Variants in MCF2 observed in about 807,000 individuals in gnomAD.
MCF2 encodes the protein proto-oncogene DBL.
Under a neutral mutation model 82.5 loss-of-function variants are expected in MCF2, and 44 were observed. The observed-to-expected ratio is 0.53, with a 90% CI of 0.42 to 0.69. The LOEUF (loss-of-function observed/expected upper bound fraction) is 0.69. Ranked by LOEUF, MCF2 falls within the 30% of genes least tolerant of loss-of-function variation. The pLI is 0.00. For missense variants in MCF2, 623 were observed against 663.1 expected (o/e 0.94, Z 0.66); for synonymous variants, 217 against 224.9 (o/e 0.96, Z 0.32).
At chrX:139,641,580 G>A (rs190086886) in intron 1 of MCF2, among the ~76,000 whole-genome samples, 33 of 110,158 alleles carry the variant, frequency 3.0e-4, no homozygotes, top group Non-Finnish European at 5.1e-4. Flanking sequence ...CTTCTTATCT[G>A]TGTGTGTGTG....
chrX:139,605,441 TG>T (rs1344925369), intron 13 of MCF2, among the ~76,000 whole-genome samples: 2 of 111,701 alleles, frequency 1.8e-5, no homozygotes, highest in African/African-American at 6.5e-5. Flanking sequence ...AATAGCACCC[TG>T]GGAATAATTG....
intron 1 of MCF2, among the ~76,000 whole-genome samples, chrX:139,692,687 C>T (rs995050347): frequency 3.6e-5 from 4 of 112,209 alleles, no homozygotes; most frequent in African/African-American, 1.3e-4. Context: ...GCATTCTGGC[C>T]AGTATCCACC....
intron 7 of MCF2, among the ~76,000 whole-genome samples, chrX:139,618,097 G>A (rs1201115249): frequency 9.1e-6 from 1 of 110,248 alleles, no homozygotes; most frequent in Non-Finnish European, 1.9e-5. Flanking sequence ...CTCAGCCTTA[G>A]AAATCTCATC....
chrX:139,601,611 C>T (rs1237100962), intron 16 of MCF2, among the ~76,000 whole-genome samples: 1 of 110,931 alleles, frequency 9.0e-6, no homozygotes, highest in Non-Finnish European at 1.9e-5. Flanking sequence ...AGGATGTGTT[C>T]CACCAAACAA....
chrX:139,586,499 A>T lies in MCF2; in HGVS notation c.2523-12T>A, dbSNP rs1345079516. ...CTCCCTGTTGCTTTCTGAAATAGTG[A>T]TGTATAAAACTAAGTGAGCTTTTGT... is the stretch of plus-strand genomic sequence containing the variant. On this transcript the variant is annotated splice_polypyrimidine_tract_variant and intron_variant, in intron 22 of 24. Coordinates refer to ENST00000370576, the Ensembl canonical transcript of MCF2. 1 of 1,118,130 alleles carries T rather than the reference A, an allele frequency of 8.9e-7. No homozygotes were observed. The highest frequency in any genetic ancestry group is 3.0e-5 in the East Asian group (1 of 33,365). 92.1% of individuals were successfully genotyped at this position (1,118,130 alleles called of 1,213,427 possible). A position where few individuals can be genotyped will look rare whatever the true frequency, so the allele number is the denominator to read the frequency against.
intron 19 of MCF2, among the ~76,000 whole-genome samples, chrX:139,590,588 G>T (rs1310994961): frequency 1.8e-5 from 2 of 110,567 alleles, no homozygotes; most frequent in African/African-American, 6.6e-5. Context: ...TTTCCTCAGC[G>T]TGATTGTGCA....
Position 139,587,576 on chromosome X carries a change from A to G in MCF2, c.2522+140T>C, listed in dbSNP as rs1929085932. 9 of 455,071 alleles carry G rather than the reference A, an allele frequency of 2.0e-5. No homozygotes were observed. The South Asian group carries it at 3.0e-4, about 15-fold the overall frequency. 37.5% of individuals were successfully genotyped at this position (455,071 alleles called of 1,213,427 possible). A position where few individuals can be genotyped will look rare whatever the true frequency, so the allele number is the denominator to read the frequency against. On this transcript the variant is annotated intron_variant, in intron 22 of 24. Transcript: ENST00000370576. ...CCAGTATAAGGCTGGACCTCAGAAA[A>G]TGATGTTTATGGAATTTGATGAGTT...
exon 1 of MCF2, chrX:139,642,538 A>G: frequency 8.3e-7 from 1 of 1,211,289 alleles, no homozygotes; most frequent in Non-Finnish European, 1.1e-6. Flanking sequence ...ACGCAATTAC[A>G]CTTTTCTTTT....
At chrX:139,588,931 A>AG (rs1194728785) in intron 20 of MCF2, among the ~76,000 whole-genome samples, 1 of 106,245 alleles carries the variant, frequency 9.4e-6, no homozygotes, top group African/African-American at 3.3e-5. Context: ...CGCTGTCTCA[A>AG]AAAAAAAAAA....
rs1932765951 is a variant in MCF2, at chrX:139,626,556, C to A, written c.572+67G>T. On this transcript the variant is annotated intron_variant, in intron 5 of 24. Transcript: ENST00000370576. ...TACTTTAACACTTAACATATTGCAG[C>A]AAAAATGTATAATTTCCTTTCAAAA... is the stretch of plus-strand genomic sequence containing the variant. The A allele has an allele frequency of 2.8e-6, 3 of 1,061,770 alleles. No homozygotes were observed. In the African/African-American group the frequency reaches 5.6e-5, roughly 20 times the overall value. 87.5% of individuals were successfully genotyped at this position (1,061,770 alleles called of 1,213,427 possible). A position where few individuals can be genotyped will look rare whatever the true frequency, so the allele number is the denominator to read the frequency against.
chrX:139,670,783 G>GT (rs1405944722), intron 1 of MCF2, among the ~76,000 whole-genome samples: 5 of 112,105 alleles, frequency 4.5e-5, no homozygotes, highest in African/African-American at 1.6e-4. Context: ...ACGTGTGCAT[G>GT]TGTCTTTATA....
chrX:139,691,768 T>C, intron 1 of MCF2: 1 of 450,209 alleles, frequency 2.2e-6, no homozygotes, highest in Admixed American at 3.7e-5. Context: ...GGTGGGGGGG[T>C]TGTATAGACT....
intron 3 of MCF2, among the ~76,000 whole-genome samples, chrX:139,630,471 GC>G (rs935332406): frequency 9.0e-5 from 10 of 111,714 alleles, no homozygotes; most frequent in Admixed American, 6.7e-4. Flanking sequence ...AGAAAGAAGG[GC>G]AAAATGTAGA....
chrX:139,694,353 T>A (rs1434098355), intron 1 of MCF2, among the ~76,000 whole-genome samples: 1 of 95,120 alleles, frequency 1.1e-5, no homozygotes, highest in East Asian at 3.4e-4. Flanking sequence ...AGAAATAAGG[T>A]AACCAAAAAA....
chrX:139,633,656 T>G (rs1463620754), intron 1 of MCF2, among the ~76,000 whole-genome samples: 4 of 109,167 alleles, frequency 3.7e-5, no homozygotes, highest in African/African-American at 6.7e-5. Flanking sequence ...GGATCATGGG[T>G]TTTTTTTTCC....
intron 15 of MCF2, among the ~76,000 whole-genome samples, chrX:139,603,273 A>G (rs906646401): frequency 3.5e-5 from 4 of 112,696 alleles, no homozygotes; most frequent in African/African-American, 1.3e-4. Flanking sequence ...ATCAATAAAC[A>G]TTTATTAAAC....
intron 1 of MCF2, among the ~76,000 whole-genome samples, chrX:139,668,100 G>A (rs993362363): frequency 3.6e-5 from 4 of 111,546 alleles, no homozygotes; most frequent in Admixed American, 9.5e-5. Flanking sequence ...TTCTAGCACC[G>A]GCAGCTGCAA....
At chrX:139,660,943 T>C (rs1304938788) in intron 1 of MCF2, among the ~76,000 whole-genome samples, 1 of 111,232 alleles carries the variant, frequency 9.0e-6, no homozygotes, top group Admixed American at 9.6e-5. Context: ...TAAGAGAAGA[T>C]GGAAATATAT....
At chrX:139,657,765 G>A (rs181872643) in intron 1 of MCF2, among the ~76,000 whole-genome samples, 5 of 111,560 alleles carry the variant, frequency 4.5e-5, no homozygotes, top group Non-Finnish European at 7.5e-5. Flanking sequence ...TTTATTGGTC[G>A]GTTGGTTGTT....
Sources: gnomAD v4.1 joint callset for allele counts (sites outside exome capture counted in the v4.1 genomes callset) on GRCh38, gnomAD v4.1.1 for gene constraint, MANE v1.5 for transcripts, NCBI Gene and HGNC (gene_info 2026-07-23, HGNC 2026-07-21) for gene names.